Variants in PPP6C observed in about 807,000 individuals in gnomAD.
PPP6C encodes the protein protein phosphatase 6 catalytic subunit, also known as serine/threonine-protein phosphatase 6 catalytic subunit.
PPP6C carries 11 observed loss-of-function variants against 39.8 expected under a neutral mutation model. The observed-to-expected ratio is 0.28, with a 90% CI of 0.17 to 0.46. The LOEUF is 0.46. Ranked by LOEUF, PPP6C falls within the 20% of genes least tolerant of loss-of-function variation. PPP6C has a pLI of 1.00. For synonymous variants in PPP6C, 129 were observed against 130.3 expected (o/e 0.99, Z 0.07); for missense variants, 211 against 373.9 (o/e 0.56, Z 3.59).
intron 6 of PPP6C, chr9:125,150,617 T>G (rs1216631582): frequency 1.1e-6 from 1 of 901,262 alleles, no homozygotes; most frequent in Admixed American, 1.9e-5. Context: ...AGTGATCACT[T>G]AGTGAAGAGT....
At chr9:125,181,059 T>C (rs16927927) in intron 1 of PPP6C, among the ~76,000 whole-genome samples, 23,385 of 152,138 alleles carry the variant, frequency 0.15, 1,933 homozygotes, top group East Asian at 0.26. Flanking sequence ...GCCAAAGCTA[T>C]TGCCTCTCAT....
chr9:125,177,255 T>C (rs927743249), intron 1 of PPP6C, among the ~76,000 whole-genome samples: 1 of 152,148 alleles, frequency 6.6e-6, no homozygotes, highest in Non-Finnish European at 1.5e-5. Context: ...GCGCCTGTAG[T>C]CTCAGCTACT....
At chr9:125,169,346 T>A (rs1829092159) in intron 2 of PPP6C, among the ~76,000 whole-genome samples, 1 of 152,226 alleles carries the variant, frequency 6.6e-6, no homozygotes, top group Admixed American at 6.5e-5. Context: ...AACTGCACAT[T>A]TGACTGAAGG....
intron 1 of PPP6C, among the ~76,000 whole-genome samples, chr9:125,181,446 T>A (rs1381791880): frequency 6.6e-6 from 1 of 152,156 alleles, no homozygotes; most frequent in Non-Finnish European, 1.5e-5. Context: ...CAACCCATCA[T>A]CTACAATCGG....
chr9:125,180,992 C>G (rs1829409965), intron 1 of PPP6C, among the ~76,000 whole-genome samples: 1 of 152,192 alleles, frequency 6.6e-6, no homozygotes, highest in African/African-American at 2.4e-5. Context: ...ACAGCTGCGT[C>G]CTACGACTGC....
At chr9:125,169,942 G>A (rs1175849123) in intron 2 of PPP6C, among the ~76,000 whole-genome samples, 1 of 152,082 alleles carries the variant, frequency 6.6e-6, no homozygotes, top group Non-Finnish European at 1.5e-5. Context: ...TTTACTCATG[G>A]AGCAGCCCCT....
intron 4 of PPP6C, among the ~76,000 whole-genome samples, chr9:125,154,318 T>C (rs894299810): frequency 6.6e-6 from 1 of 152,264 alleles, no homozygotes; most frequent in Non-Finnish European, 1.5e-5. Flanking sequence ...ATATAGCCTA[T>C]TGCTCATAGG....
intron 2 of PPP6C, among the ~76,000 whole-genome samples, chr9:125,161,187 A>G (rs10986594): frequency 0.015 from 2,303 of 152,258 alleles, 109 homozygotes; most frequent in Admixed American, 0.083. Flanking sequence ...GAGAATTCTG[A>G]CATCCTTTAT....
intron 3 of PPP6C, among the ~76,000 whole-genome samples, chr9:125,160,093 C>T (rs1828824691): frequency 6.6e-6 from 1 of 151,806 alleles, no homozygotes; most frequent in Admixed American, 6.6e-5. Context: ...AGAAAAAGTT[C>T]AACAGTAACA....
chr9:125,181,590 G>A (rs360008), intron 1 of PPP6C, among the ~76,000 whole-genome samples: 60,657 of 151,810 alleles, frequency 0.4, 12,612 homozygotes, highest in East Asian at 0.54. Flanking sequence ...GCGGTGTTTC[G>A]TTTTCTGTTC....
At chr9:125,154,536 G>C (rs576087309) in intron 4 of PPP6C, among the ~76,000 whole-genome samples, 1 of 152,268 alleles carries the variant, frequency 6.6e-6, no homozygotes, top group African/African-American at 2.4e-5. Context: ...TCCTGGAATG[G>C]ACCTAAGAAG....
intron 2 of PPP6C, among the ~76,000 whole-genome samples, chr9:125,168,492 C>A (rs1275782822): frequency 6.6e-6 from 1 of 152,132 alleles, no homozygotes; most frequent in Non-Finnish European, 1.5e-5. Flanking sequence ...GAGTTTCGCT[C>A]TTGTTGCCCA....
At chr9:125,188,253 C>T (rs1314283388) in intron 1 of PPP6C, among the ~76,000 whole-genome samples, 5 of 151,824 alleles carry the variant, frequency 3.3e-5, no homozygotes, top group South Asian at 2.1e-4. Context: ...GGCGTGGTGG[C>T]GGGCACCTGT....
At chr9:125,155,904 CAA>C (rs1231626756) in intron 4 of PPP6C, among the ~76,000 whole-genome samples, 17 of 61,448 alleles carry the variant, frequency 2.8e-4, no homozygotes, top group East Asian at 4.7e-4. Flanking sequence ...GACTCCGTCT[CAA>C]AAAAAAAAAA....
At chr9:125,178,448 CT>C (rs1422436327) in intron 1 of PPP6C, among the ~76,000 whole-genome samples, 1 of 152,112 alleles carries the variant, frequency 6.6e-6, no homozygotes, top group Non-Finnish European at 1.5e-5. Flanking sequence ...ATCACTGTAT[CT>C]TCTTTGATGA....
At chr9:125,172,866 G>A (rs561838942) in intron 1 of PPP6C, among the ~76,000 whole-genome samples, 1 of 152,242 alleles carries the variant, frequency 6.6e-6, no homozygotes, top group African/African-American at 2.4e-5. Context: ...AATGTTGGCT[G>A]ATGTTGTATT....
At chr9:125,177,593 CT>C (rs1389153887) in intron 1 of PPP6C, among the ~76,000 whole-genome samples, 2 of 152,082 alleles carry the variant, frequency 1.3e-5, no homozygotes, top group Non-Finnish European at 2.9e-5. Context: ...CATATACCCC[CT>C]GCCCCTCCCC....
intron 1 of PPP6C, among the ~76,000 whole-genome samples, chr9:125,188,170 G>C (rs1439908477): frequency 6.6e-6 from 1 of 152,124 alleles, no homozygotes; most frequent in Non-Finnish European, 1.5e-5. Flanking sequence ...CGGATCACGA[G>C]TTCAGGAGAT....
intron 1 of PPP6C, among the ~76,000 whole-genome samples, chr9:125,185,247 ATT>A (rs569496601): frequency 1.3e-4 from 18 of 137,056 alleles, no homozygotes; most frequent in Middle Eastern, 3.6e-3. Context: ...CACATATGTC[ATT>A]TTTTTTTTTT....
Sources: allele counts gnomAD v4.1 joint callset (sites outside exome capture counted in the v4.1 genomes callset), GRCh38; gene constraint gnomAD v4.1.1; transcripts MANE v1.5; gene names NCBI Gene and HGNC (gene_info 2026-07-23, HGNC 2026-07-21).